The following PTDSS1 variants were observed in gnomAD, a reference collection of about 807,000 sequenced individuals.
The protein encoded by PTDSS1 is PSS-1.
Under a neutral mutation model 70.5 loss-of-function variants are expected in PTDSS1, and 45 were observed. That is an observed-to-expected ratio of 0.64 (90% CI 0.50 to 0.82). PTDSS1 has a LOEUF of 0.82. Among genes scored for constraint, PTDSS1 ranks in the 40% least tolerant of loss-of-function variants. PTDSS1 has a pLI of 0.00. For synonymous variants in PTDSS1, 188 were observed against 203.8 expected, an observed-to-expected ratio of 0.92 and a Z score of 0.66; for missense variants, 417 against 586.1, an observed-to-expected ratio of 0.71 and a Z score of 2.98.
intron 1 of PTDSS1, among the ~76,000 whole-genome samples, chr8:96,269,776 C>T (rs1388065154): frequency 5.9e-5 from 9 of 152,094 alleles, no homozygotes; most frequent in Admixed American, 5.9e-4. Context: ...TCTCATTGTC[C>T]TTTTTTATCT....
At chr8:96,306,696 C>A (rs935482814) in intron 8 of PTDSS1, 140 bp downstream of exon 8, 1 of 690,090 alleles carries the variant, frequency 1.4e-6, no homozygotes, top group Non-Finnish European at 2.5e-6. Flanking sequence ...CAGAATATGA[C>A]GAAAATGTTT....
intron 10 of PTDSS1, among the ~76,000 whole-genome samples, chr8:96,323,770 T>C (rs1344016776): frequency 1.3e-5 from 2 of 152,244 alleles, no homozygotes; most frequent in East Asian, 1.9e-4. Context: ...ACCTGGTTTC[T>C]TTCTTTCCAT....
chr8:96,268,456 T>C (rs1037915203), intron 1 of PTDSS1, among the ~76,000 whole-genome samples: 2 of 151,984 alleles, frequency 1.3e-5, no homozygotes, highest in South Asian at 2.1e-4. Context: ...ATAATAAAGG[T>C]TAGATATTCC....
At chr8:96,287,206 GT>G (rs1179622978) in intron 4 of PTDSS1, 60 bp downstream of exon 4, 3 of 1,568,106 alleles carry the variant, frequency 1.9e-6, no homozygotes, top group Non-Finnish European at 2.6e-6. Flanking sequence ...GGTGTAAGAG[GT>G]AATAGACTTG....
intron 7 of PTDSS1, among the ~76,000 whole-genome samples, chr8:96,305,610 G>A (rs1811111265): frequency 1.3e-5 from 2 of 152,208 alleles, no homozygotes; most frequent in Admixed American, 6.5e-5. Context: ...GCCTTTGGTA[G>A]AGGATCTGCT....
chr8:96,292,289 CAAAAA>C (rs34282078), intron 4 of PTDSS1, among the ~76,000 whole-genome samples: 3 of 87,856 alleles, frequency 3.4e-5, no homozygotes, highest in Non-Finnish European at 5.0e-5. Context: ...AACGCTGTCT[CAAAAA>C]AAAAAAAAAA....
rs1400479276 is a variant in PTDSS1 at position 96,296,119 on chromosome 8, C to A, written c.600+863C>A. 6.7e-5 allele frequency among the ~76,000 whole-genome samples: 10 copies of A among 148,812 alleles called. 1 individual carries two copies. On this transcript the variant is annotated intron_variant, in intron 5 of 12. Coordinates refer to ENST00000517309, the MANE Select transcript of PTDSS1 (RefSeq NM_014754.3). The stretch of plus-strand genomic sequence containing the variant: ...GGCATTCTCCCTGTGCGTGTCTGAG[C>A]CTTCATGGTGTTCTTTTTTTTTTTT...
At chr8:96,289,299 G>C (rs1810869508) in intron 4 of PTDSS1, among the ~76,000 whole-genome samples, 1 of 152,148 alleles carries the variant, frequency 6.6e-6, no homozygotes, top group African/African-American at 2.4e-5. Flanking sequence ...GAAAGTTCTA[G>C]GCTTCTAATC....
At chr8:96,333,318 AT>A in intron 12 of PTDSS1, 138 bp from the exon 13 acceptor site, 1 of 744,528 alleles carries the variant, frequency 1.3e-6, no homozygotes, top group Non-Finnish European at 2.3e-6. Context: ...CCTCGCCTTC[AT>A]TTATGAATGA....
intron 1 of PTDSS1, among the ~76,000 whole-genome samples, chr8:96,266,198 C>T (rs1810485433): frequency 6.6e-6 from 1 of 152,200 alleles, no homozygotes; most frequent in African/African-American, 2.4e-5. Context: ...GAGGCACCTG[C>T]CATTAAACAG....
At chr8:96,311,745 G>A (rs1426706131) in intron 9 of PTDSS1, among the ~76,000 whole-genome samples, 2 of 152,166 alleles carry the variant, frequency 1.3e-5, no homozygotes, top group Non-Finnish European at 2.9e-5. Flanking sequence ...TGATAAGATG[G>A]ATTTGGTTTC....
At position 96,319,929 on chromosome 8, in the gene PTDSS1, C is replaced by G. The variant is rs181759891; in HGVS notation, c.1074-317C>G. Among the ~76,000 whole-genome samples the G allele has an allele frequency of 1.6e-4, 25 of 152,252 alleles. No homozygotes were observed. The East Asian group carries it at 4.8e-3, about 29-fold the overall frequency. ...TAGTTTCCCTGTGCCTGAGAGGGTTCCAGCAGAGGCGGCGTGATCACCCAC... is the reference window on the plus strand; with the variant it reads ...TAGTTTCCCTGTGCCTGAGAGGGTTGCAGCAGAGGCGGCGTGATCACCCAC... On this transcript the variant is annotated intron_variant, in intron 9 of 12. Transcript: ENST00000517309.
intron 3 of PTDSS1, 128 bp from the exon 4 acceptor site, chr8:96,286,894 G>C (rs1326309707): frequency 1.5e-5 from 17 of 1,160,230 alleles, no homozygotes; most frequent in Non-Finnish European, 1.7e-5. Flanking sequence ...GATTATAAGA[G>C]GAGTCTTGAC....
At chr8:96,287,565 C>T (rs1407825363) in intron 4 of PTDSS1, among the ~76,000 whole-genome samples, 1 of 144,922 alleles carries the variant, frequency 6.9e-6, no homozygotes, top group African/African-American at 2.4e-5. Context: ...GCCATGGTGC[C>T]CCCAACACCC....
intron 3 of PTDSS1, 42 bp downstream of exon 3, chr8:96,284,195 T>C: frequency 6.5e-7 from 1 of 1,531,032 alleles, no homozygotes; most frequent in Non-Finnish European, 9.0e-7. Context: ...TCTATTTTTT[T>C]AATCTTTTTT....
intron 5 of PTDSS1, among the ~76,000 whole-genome samples, chr8:96,296,911 C>T (rs1174856657): frequency 6.6e-6 from 1 of 152,200 alleles, no homozygotes; most frequent in Non-Finnish European, 1.5e-5. Context: ...CGCTTGCTTC[C>T]CCCTTGCACT....
chr8:96,275,316 C>T (rs1563562239), intron 2 of PTDSS1, among the ~76,000 whole-genome samples: 1 of 152,054 alleles, frequency 6.6e-6, no homozygotes, highest in Non-Finnish European at 1.5e-5. Flanking sequence ...TCACCACACC[C>T]AGCTAATTTT....
chr8:96,299,633 C>T, intron 5 of PTDSS1, 61 bp from the exon 6 acceptor site: 1 of 1,451,510 alleles, frequency 6.9e-7, no homozygotes, highest in Non-Finnish European at 9.3e-7. Context: ...GGAAATCTAT[C>T]TATCTGCATG....
chr8:96,310,864 C>G (rs1005468542), intron 9 of PTDSS1, among the ~76,000 whole-genome samples: 3 of 151,908 alleles, frequency 2.0e-5, no homozygotes, highest in Non-Finnish European at 4.4e-5. Context: ...CTCCCAGGTT[C>G]AAGCGATTCT....
Sources: allele counts gnomAD v4.1 joint callset (sites outside exome capture counted in the v4.1 genomes callset), GRCh38; gene constraint gnomAD v4.1.1; transcripts MANE v1.5; gene names NCBI Gene and HGNC (gene_info 2026-07-23, HGNC 2026-07-21).